BHLHE22: variants seen among roughly 807,000 people sequenced by gnomAD.
BHLHE22 encodes the protein basic helix-loop-helix family member e22, also known as class E basic helix-loop-helix protein 22.
BHLHE22 carries 8 observed loss-of-function variants against 17.6 expected under a neutral mutation model. The observed-to-expected ratio is 0.45, with a 90% CI of 0.27 to 0.82. The LOEUF (loss-of-function observed/expected upper bound fraction) is 0.82. BHLHE22 is among the 40% of genes least tolerant of loss of function. The probability of loss-of-function intolerance (pLI) is 0.16; values close to 1 mark genes in which losing one functional copy is unlikely to be tolerated. For synonymous variants in BHLHE22, 353 were observed against 282.7 expected (o/e 1.25, Z -2.49); for missense variants, 570 against 581.5 (o/e 0.98, Z 0.20).
In BHLHE22 at chr8:64,580,878, C is replaced by T. The variant is rs769860258; in HGVS notation, c.88C>T (p.Arg30Cys). 5 of 1,519,286 alleles carry T rather than the reference C, an allele frequency of 3.3e-6. No individual in the cohort carries two copies. Among genetic ancestry groups the T allele is most frequent in the East Asian group, 5.5e-5 (2 of 36,602 alleles). 94.1% of individuals were successfully genotyped at this position (1,519,286 alleles called of 1,614,324 possible). A position where few individuals can be genotyped will look rare whatever the true frequency, so the allele number is the denominator to read the frequency against. ...HKSLSASTSK[R>C]LEAAFRSTPP... Reference sequence around the variant, plus strand: ...GAGCCTGAGCGCCTCCACCTCCAAGCGCTTGGAAGCGGCTTTCCGCTCCAC... The same window carrying T: ...GAGCCTGAGCGCCTCCACCTCCAAGTGCTTGGAAGCGGCTTTCCGCTCCAC... The change falls in exon 1 of 1, where the codon CGC becomes TGC. Residue 30 changes from arginine to cysteine, a missense_variant. Arg to Cys is a radical substitution (Grantham distance 180, BLOSUM62 -3). This residue lies in a region of BHLHE22 where 427 missense variants were observed against 376.2 expected (regional missense o/e 1.14). Coordinates refer to ENST00000321870, the MANE Select transcript of BHLHE22 (RefSeq NM_152414.5).
rs945091917 is a variant in BHLHE22, at chr8:64,581,992, G to C, written c.*56G>C. 40 of 1,570,018 alleles carry C rather than the reference G, an allele frequency of 2.5e-5. 1 individual carries two copies. In the Admixed American group the frequency reaches 3.7e-4, roughly 15 times the overall value. ...AAAATCTAGAGGAAAGCGAAAAGCT[G>C]CTCCCCACCCCCTTTATTTTGGTCC... On this transcript the variant is annotated 3_prime_UTR_variant, in exon 1 of 1. Transcript: ENST00000321870. The surrounding 1 kb of genome is among the most constrained non-coding windows in gnomAD (Gnocchi z 6.4).
rs771778927 is a variant in BHLHE22, at chr8:64,580,797, C to G, written c.7C>G (p.Arg3Gly). 4 of 1,384,422 alleles carry G rather than the reference C, an allele frequency of 2.9e-6. No individual in the cohort carries two copies. Among genetic ancestry groups the G allele is most frequent in the Admixed American group, 2.8e-5 (1 of 35,422 alleles). 85.8% of individuals were successfully genotyped at this position (1,384,422 alleles called of 1,614,324 possible). The change falls in exon 1 of 1, where the codon CGC (arginine) becomes GGC (glycine). Residue 3 changes from arginine (R) to glycine (G), a missense_variant. Arg to Gly is a moderately radical substitution (Grantham distance 125). This residue lies in a region of BHLHE22 where 427 missense variants were observed against 376.2 expected (regional missense o/e 1.14). Coordinates refer to ENST00000321870, the MANE Select transcript of BHLHE22 (RefSeq NM_152414.5). ME[R>G]GMHLGAAAAG... The stretch of plus-strand genomic sequence containing the variant: ...TGCGCGCCGGCGCGGGACCATGGAG[C>G]GCGGGATGCACCTCGGTGCAGCGGC...
rs965160457 is a variant in BHLHE22, at chr8:64,583,287, AAAAG to A, written c.*1359_*1362del. 1.8e-5 allele frequency: 3 copies of A among 167,076 alleles called. No homozygotes were observed. The highest frequency in any genetic ancestry group is 7.2e-5 in the African/African-American group (3 of 41,464). 10.3% of individuals were successfully genotyped at this position (167,076 alleles called of 1,614,324 possible). ...TATTTTTCTAAAAAAATAAAATTTA[AAAAG>A]AAAGAAAACTAAGGAAGAACAAGAA... On this transcript the variant is annotated 3_prime_UTR_variant, in exon 1 of 1. Coordinates refer to ENST00000321870, the MANE Select transcript of BHLHE22 (RefSeq NM_152414.5).
Position 64,581,478 on chromosome 8 carries a change from A to G in BHLHE22, c.688A>G (p.Ser230Gly), listed in dbSNP as rs757033993. The G allele has an allele frequency of 6.4e-6, 10 of 1,555,518 alleles. No homozygotes were observed. The highest frequency in any genetic ancestry group is 1.9e-5 in the Admixed American group (1 of 53,012). The change falls in exon 1 of 1, where the codon AGC (serine) becomes GGC (glycine). Residue 230 changes from serine (S) to glycine (G), a missense_variant. This residue lies in a region of BHLHE22 where 427 missense variants were observed against 376.2 expected (regional missense o/e 1.14). Transcript: ENST00000321870. This position sits in a 1 kb window ranked among gnomAD's most constrained non-coding sequence, Gnocchi z 6.4. ...CGGCAGCGGCGGCAGCAGCAGCAGC[A>G]GCAGCAGCAGCAGCAAGAAATCCAA... ...GSGSGGSSSS[S>G]SSSSKKSKEQ...
In BHLHE22 at chr8:64,581,895, G is replaced by T. The variant is rs765394994; in HGVS notation, c.1105G>T (p.Val369Phe). The change falls in exon 1 of 1, where the codon GTC (valine) becomes TTC (phenylalanine). Residue 369 changes from valine to phenylalanine, a missense_variant. This residue lies in a region of BHLHE22 where 111 missense variants were observed against 122.0 expected (regional missense o/e 0.91). Coordinates refer to ENST00000321870, the MANE Select transcript of BHLHE22 (RefSeq NM_152414.5). This position sits in a 1 kb window ranked among gnomAD's most constrained non-coding sequence, Gnocchi z 6.4. ...CPEKCALFNS[V>F]SSSLCKQCTE... ...GGAGAAGTGCGCCCTGTTTAACAGC[G>T]TCTCCTCCAGCCTCTGCAAACAGTG... The T allele has an allele frequency of 1.2e-6, 2 of 1,610,878 alleles. No homozygotes were observed. Among genetic ancestry groups the T allele is most frequent in the South Asian group, 1.1e-5 (1 of 90,900 alleles).
chr8:64,581,004 G>C lies in BHLHE22; in HGVS notation c.214G>C (p.Gly72Arg), dbSNP rs779789317. 3.8e-6 allele frequency: 5 copies of C among 1,330,914 alleles called. No individual in the cohort carries two copies. The highest frequency in any genetic ancestry group is 7.8e-5 in the Admixed American group (2 of 25,622). 82.4% of individuals were successfully genotyped at this position (1,330,914 alleles called of 1,614,324 possible). ...LGCFEPADPE[G>R]AGLLLPPPGG... ...CTGCTTCGAGCCGGCTGACCCCGAG[G>C]GGGCAGGGCTGCTGTTGCCGCCGCC... Residue 72 changes from glycine to arginine, a missense_variant, in exon 1 of 1, where the codon GGG becomes CGG. Physicochemically the swap from Gly to Arg is moderately radical, Grantham distance 125 (BLOSUM62 -2). Coordinates refer to ENST00000321870, the MANE Select transcript of BHLHE22 (RefSeq NM_152414.5). This position sits in a 1 kb window ranked among gnomAD's most constrained non-coding sequence, Gnocchi z 6.4.
chr8:64,583,361 GT>G lies in BHLHE22; in HGVS notation c.*1428del, dbSNP rs530569552. On this transcript the variant is annotated 3_prime_UTR_variant, in exon 1 of 1. Coordinates refer to ENST00000321870, the MANE Select transcript of BHLHE22 (RefSeq NM_152414.5). The stretch of plus-strand genomic sequence containing the variant: ...CTTTCAGTTTTAGTTTTGCATGGCT[GT>G]TTGACTGCCTTTCCGCCCTATGAAA... 1,071 of 167,180 alleles carry G rather than the reference GT, an allele frequency of 6.4e-3. 6 individuals are homozygous for G. The highest frequency in any genetic ancestry group is 0.017 in the Middle Eastern group (5 of 294). 10.4% of individuals were successfully genotyped at this position (167,180 alleles called of 1,614,324 possible).
Position 64,580,900 on chromosome 8 carries a change from C to A in BHLHE22, c.110C>A (p.Ser37Tyr). The A allele has an allele frequency of 6.6e-7, 1 of 1,521,436 alleles. No homozygotes were observed. Among genetic ancestry groups the A allele is most frequent in the Non-Finnish European group, 8.7e-7 (1 of 1,145,494 alleles). The allele number at this position is 1,521,436 out of a possible 1,614,324, so 94.2% of individuals were successfully genotyped here. Residue 37 changes from serine to tyrosine, a missense_variant, in exon 1 of 1, where the codon TCC becomes TAC. Physicochemically the swap from Ser to Tyr is moderately radical, Grantham distance 144. Coordinates refer to ENST00000321870, the MANE Select transcript of BHLHE22 (RefSeq NM_152414.5). ...TSKRLEAAFR[S>Y]TPPGMDLSLA... ...AAGCGCTTGGAAGCGGCTTTCCGCTCCACGCCCCCGGGCATGGACCTGTCC... is the reference window on the plus strand; with the variant it reads ...AAGCGCTTGGAAGCGGCTTTCCGCTACACGCCCCCGGGCATGGACCTGTCC...
rs1585786806 is a variant in BHLHE22, at chr8:64,581,445, A to G, written c.655A>G (p.Ser219Gly). ...CGGTAGCAGTGGCGGCGGTGGCGGT[A>G]GCGGTAGCGGCAGCGGCGGCAGCAG... is the stretch of plus-strand genomic sequence containing the variant. ...SSGSSGGGGG[S>G]GSGSGGSSSS... Residue 219 changes from serine (S) to glycine (G), a missense_variant, in exon 1 of 1, where the codon AGC (serine) becomes GGC (glycine). By Grantham distance (56) the Ser-to-Gly change is moderately conservative (BLOSUM62 0). This residue lies in a region of BHLHE22 where 427 missense variants were observed against 376.2 expected (regional missense o/e 1.14). Coordinates refer to ENST00000321870, the MANE Select transcript of BHLHE22 (RefSeq NM_152414.5). This position sits in a 1 kb window ranked among gnomAD's most constrained non-coding sequence, Gnocchi z 6.4. The G allele has an allele frequency of 4.6e-6, 7 of 1,536,032 alleles. No homozygotes were observed. Among genetic ancestry groups the G allele is most frequent in the East Asian group, 2.4e-5 (1 of 40,858 alleles).
Position 64,580,889 on chromosome 8 carries a change from G to T in BHLHE22, c.99G>T (p.Ala33=), listed in dbSNP as rs1191516883. The T allele has an allele frequency of 6.6e-7, 1 of 1,521,276 alleles. No individual in the cohort carries two copies. The highest frequency in any genetic ancestry group is 1.2e-5 in the South Asian group (1 of 81,048). 94.2% of individuals were successfully genotyped at this position (1,521,276 alleles called of 1,614,324 possible). A position where few individuals can be genotyped will look rare whatever the true frequency, so the allele number is the denominator to read the frequency against. Residue 33 remains alanine, a synonymous_variant, in exon 1 of 1, where the codon GCG becomes GCT. Transcript: ENST00000321870. ...LSASTSKRLE[A]AFRSTPPGMD... Reference sequence around the variant, plus strand: ...CCTCCACCTCCAAGCGCTTGGAAGCGGCTTTCCGCTCCACGCCCCCGGGCA... The same window carrying T: ...CCTCCACCTCCAAGCGCTTGGAAGCTGCTTTCCGCTCCACGCCCCCGGGCA...
Position 64,581,463 on chromosome 8 carries a change from G to GCGGCGGCAGCA in BHLHE22, c.673_674insCGGCGGCAGCA (p.Gly225AlafsTer38), listed in dbSNP as rs564889045. ...TGGCGGTAGCGGTAGCGGCAGCGGC[G>GCGGCGGCAGCA]GCAGCAGCAGCAGCAGCAGCAGCAG... On this transcript the variant is annotated frameshift_variant, in exon 1 of 1. Coordinates refer to ENST00000321870, the MANE Select transcript of BHLHE22 (RefSeq NM_152414.5). LOFTEE classifies it high-confidence loss of function. The surrounding 1 kb of genome is among the most constrained non-coding windows in gnomAD (Gnocchi z 6.4). 24 of 1,450,648 alleles carry GCGGCGGCAGCA rather than the reference G, an allele frequency of 1.7e-5. No individual in the cohort carries two copies. Among genetic ancestry groups the GCGGCGGCAGCA allele is most frequent in the Middle Eastern group, 3.6e-4 (2 of 5,550 alleles). The allele number at this position is 1,450,648 out of a possible 1,614,324, so 89.9% of individuals were successfully genotyped here. A position where few individuals can be genotyped will look rare whatever the true frequency, so the allele number is the denominator to read the frequency against.
Position 64,581,833 on chromosome 8 carries a change from C to A in BHLHE22, c.1043C>A (p.Pro348Gln). The change falls in exon 1 of 1, where the codon CCG becomes CAG. Residue 348 changes from proline to glutamine, a missense_variant. Coordinates refer to ENST00000321870, the MANE Select transcript of BHLHE22 (RefSeq NM_152414.5). This position sits in a 1 kb window ranked among gnomAD's most constrained non-coding sequence, Gnocchi z 6.4. The stretch of plus-strand genomic sequence containing the variant: ...GCCTACGAGCAGGCAGCCGGCTACC[C>A]GTTCAGCGCCGGACTGCCCCCGGCT... ...LGAYEQAAGY[P>Q]FSAGLPPAAS... The A allele has an allele frequency of 1.2e-6, 2 of 1,604,614 alleles. No homozygotes were observed. Among genetic ancestry groups the A allele is most frequent in the East Asian group, 2.2e-5 (1 of 44,580 alleles).
At position 64,581,446 on chromosome 8, in the gene BHLHE22, G is replaced by C. The variant is rs770351282; in HGVS notation, c.656G>C (p.Ser219Thr). The C allele has an allele frequency of 5.9e-6, 9 of 1,537,622 alleles. No homozygotes were observed. Among genetic ancestry groups the C allele is most frequent in the Non-Finnish European group, 7.8e-6 (9 of 1,147,106 alleles). The change falls in exon 1 of 1, where the codon AGC becomes ACC. Residue 219 changes from serine to threonine, a missense_variant. Physicochemically the swap from Ser to Thr is moderately conservative, Grantham distance 58. Transcript: ENST00000321870. This position sits in a 1 kb window ranked among gnomAD's most constrained non-coding sequence, Gnocchi z 6.4. ...GGTAGCAGTGGCGGCGGTGGCGGTA[G>C]CGGTAGCGGCAGCGGCGGCAGCAGC... ...SSGSSGGGGG[S>T]GSGSGGSSSS...
rs1004753456 is a variant in BHLHE22 at position 64,580,755 on chromosome 8, G to T, written c.-36G>T. On this transcript the variant is annotated 5_prime_UTR_variant, in exon 1 of 1. Coordinates refer to ENST00000321870, the MANE Select transcript of BHLHE22 (RefSeq NM_152414.5). ...GGCCGAGGCGGCGGCGGCGGCAGCG[G>T]GCGCGGCGGCCCGGGCTGCGCGCCG... 4.3e-5 allele frequency: 48 copies of T among 1,106,274 alleles called. No homozygotes were observed. The highest frequency in any genetic ancestry group is 5.0e-5 in the Non-Finnish European group (45 of 908,572). The allele number at this position is 1,106,274 out of a possible 1,614,324, so 68.5% of individuals were successfully genotyped here. A position where few individuals can be genotyped will look rare whatever the true frequency, so the allele number is the denominator to read the frequency against.
Position 64,580,933 on chromosome 8 carries a change from CG to C in BHLHE22, c.144del (p.Pro49ArgfsTer56). The C allele has an allele frequency of 6.7e-7, 1 of 1,481,552 alleles. No individual in the cohort carries two copies. Among genetic ancestry groups the C allele is most frequent in the Non-Finnish European group, 8.9e-7 (1 of 1,124,334 alleles). 91.8% of individuals were successfully genotyped at this position (1,481,552 alleles called of 1,614,324 possible). A position where few individuals can be genotyped will look rare whatever the true frequency, so the allele number is the denominator to read the frequency against. On this transcript the variant is annotated frameshift_variant, in exon 1 of 1. Coordinates refer to ENST00000321870, the MANE Select transcript of BHLHE22 (RefSeq NM_152414.5). LOFTEE classifies it high-confidence loss of function. Reference sequence around the variant, plus strand: ...CCGGGCATGGACCTGTCCCTGGCGCCGCCGCCTCGGGAACGCCCGGCGTCCT... The same window carrying C: ...CCGGGCATGGACCTGTCCCTGGCGCCCCGCCTCGGGAACGCCCGGCGTCCT... The part of the protein sequence containing the change: ...TPPGMDLSLA[P>X]PPRERPASSS...
chr8:64,583,194 T>C lies in BHLHE22; in HGVS notation c.*1258T>C, dbSNP rs1804929726. On this transcript the variant is annotated 3_prime_UTR_variant, in exon 1 of 1. Transcript: ENST00000321870. ...TTAATATATATGTACATATATGTTA[T>C]TTTAACTGTGGAGAATTATTTAAGT... 1 of 167,056 alleles carries C rather than the reference T, an allele frequency of 6.0e-6. No individual in the cohort carries two copies. The highest frequency in any genetic ancestry group is 6.5e-5 in the Admixed American group (1 of 15,286). The allele number at this position is 167,056 out of a possible 1,614,324, so 10.3% of individuals were successfully genotyped here.
chr8:64,581,745 G>A lies in BHLHE22; in HGVS notation c.955G>A (p.Ala319Thr), dbSNP rs768423797. ...CAACCAGGGCCAGGCCATCTCGGCT[G>A]CCTCCCTGCCCAGCTCGGCGGCTGC... ...YLNQGQAISA[A>T]SLPSSAAAAA... Residue 319 changes from alanine to threonine, a missense_variant, in exon 1 of 1, where the codon GCC (alanine) becomes ACC (threonine). Coordinates refer to ENST00000321870, the MANE Select transcript of BHLHE22 (RefSeq NM_152414.5). This position sits in a 1 kb window ranked among gnomAD's most constrained non-coding sequence, Gnocchi z 6.4. 1 of 1,600,788 alleles carries A rather than the reference G, an allele frequency of 6.2e-7. No individual in the cohort carries two copies. Among genetic ancestry groups the A allele is most frequent in the South Asian group, 1.1e-5 (1 of 89,996 alleles).
In BHLHE22 at chr8:64,580,999, C is replaced by A. The variant is rs1804884630; in HGVS notation, c.209C>A (p.Pro70His). 2 of 1,342,614 alleles carry A rather than the reference C, an allele frequency of 1.5e-6. No homozygotes were observed. Among genetic ancestry groups the A allele is most frequent in the African/African-American group, 3.1e-5 (2 of 65,292 alleles). The allele number at this position is 1,342,614 out of a possible 1,614,324, so 83.2% of individuals were successfully genotyped here. A position where few individuals can be genotyped will look rare whatever the true frequency, so the allele number is the denominator to read the frequency against. Residue 70 changes from proline (P) to histidine (H), a missense_variant, in exon 1 of 1, where the codon CCC (proline) becomes CAC (histidine). Coordinates refer to ENST00000321870, the MANE Select transcript of BHLHE22 (RefSeq NM_152414.5). Reference protein sequence around the residue: ...SPLGCFEPADPEGAGLLLPPP... With the variant: ...SPLGCFEPADHEGAGLLLPPP... ...CTGGGCTGCTTCGAGCCGGCTGACC[C>A]CGAGGGGGCAGGGCTGCTGTTGCCG...
At position 64,581,755 on chromosome 8, in the gene BHLHE22, C is replaced by G; in HGVS notation, c.965C>G (p.Pro322Arg). Residue 322 changes from proline to arginine, a missense_variant, in exon 1 of 1, where the codon CCC becomes CGC. Around this residue, in one of 3 missense-constraint regions of BHLHE22, gnomAD observed 111 missense variants for 122.0 expected, o/e 0.91. Transcript: ENST00000321870. This position sits in a 1 kb window ranked among gnomAD's most constrained non-coding sequence, Gnocchi z 6.4. Reference protein sequence around the residue: ...QGQAISAASLPSSAAAAAAAA... With the variant: ...QGQAISAASLRSSAAAAAAAA... ...CAGGCCATCTCGGCTGCCTCCCTGC[C>G]CAGCTCGGCGGCTGCAGCGGCAGCA... 1 of 1,598,752 alleles carries G rather than the reference C, an allele frequency of 6.3e-7. No individual in the cohort carries two copies. Among genetic ancestry groups the G allele is most frequent in the Non-Finnish European group, 8.5e-7 (1 of 1,174,828 alleles).
Sources: gnomAD v4.1 joint callset for allele counts on GRCh38, gnomAD v4.1.1 for gene constraint, gnomAD v4.1.1 regional missense constraint, Gnocchi (gnomAD v3.1) non-coding constraint, MANE v1.5 for transcripts, NCBI Gene and HGNC (gene_info 2026-07-23, HGNC 2026-07-21) for gene names.